CFAP100: variants seen among roughly 807,000 people sequenced by gnomAD.
CFAP100 encodes cilia- and flagella-associated protein 100.
A neutral mutation model predicts 81.5 loss-of-function variants in CFAP100; 70 were observed. That is an observed-to-expected ratio of 0.86 (90% CI 0.71 to 1.05). The LOEUF is 1.05. Among genes scored for constraint, CFAP100 ranks in the 50% least tolerant of loss-of-function variants. CFAP100 has a pLI of 0.00. For missense variants in CFAP100, 811 were observed against 776.5 expected, an observed-to-expected ratio of 1.04 and a Z score of -0.53; for synonymous variants, 341 against 314.8, an observed-to-expected ratio of 1.08 and a Z score of -0.88.
intron 4 of CFAP100, among the ~76,000 whole-genome samples, chr3:126,415,832 G>C (rs1428571527): frequency 6.6e-6 from 1 of 152,170 alleles, no homozygotes; most frequent in East Asian, 1.9e-4. Flanking sequence ...GGGCTGGCTC[G>C]AAGCCACCCC....
intron 8 of CFAP100, 133 bp from the exon 9 acceptor site, chr3:126,419,504 T>C: frequency 1.3e-6 from 1 of 793,210 alleles, no homozygotes; most frequent in East Asian, 2.5e-5. Flanking sequence ...GTGGCATTCC[T>C]GCACCTTTTC....
chr3:126,400,610 G>A (rs1280951170), intron 2 of CFAP100, among the ~76,000 whole-genome samples: 1 of 152,106 alleles, frequency 6.6e-6, no homozygotes, highest in Non-Finnish European at 1.5e-5. Context: ...AAAATAACCG[G>A]GCATGGTGGC....
chr3:126,407,243 A>G lies in CFAP100; in HGVS notation c.121A>G (p.Lys41Glu). 6.2e-7 allele frequency: 1 copy of G among 1,613,448 alleles called. No individual in the cohort carries two copies. Among genetic ancestry groups the G allele is most frequent in the Non-Finnish European group, 8.5e-7 (1 of 1,179,528 alleles). The part of the protein sequence containing the change: ...TEENPKKQAR[K>E]NEEHGPDPSA... ...AGAGAACCCAAAGAAACAGGCAAGA[A>G]AAAACGAAGGTAACCTTCAAGCTGG... Residue 41 changes from lysine to glutamate, a missense_variant, in exon 3 of 17, where the codon AAA (lysine) becomes GAA (glutamate). Physicochemically the swap from Lys to Glu is moderately conservative, Grantham distance 56 (BLOSUM62 1). Coordinates refer to ENST00000352312, the MANE Select transcript of CFAP100 (RefSeq NM_182628.3).
intron 11 of CFAP100, among the ~76,000 whole-genome samples, chr3:126,421,921 A>C (rs73859268): frequency 6.6e-6 from 1 of 152,148 alleles, no homozygotes; most frequent in South Asian, 2.1e-4. Context: ...CAGAGGTTCT[A>C]ATGTATGCAG....
rs761438533 is a variant in CFAP100 at position 126,416,447 on chromosome 3, C to A, written c.357C>A (p.Ala119=). The change falls in exon 5 of 17, where the codon GCC becomes GCA. Residue 119 remains alanine (A), a synonymous_variant. Transcript: ENST00000352312. ...EDKQEDLEAR[A]EAEHQRAFRD... ...AGCAGGAGGACCTGGAGGCGCGCGCCGAGGCCGAGCATCAGCGCGCCTTCC... is the reference window on the plus strand; with the variant it reads ...AGCAGGAGGACCTGGAGGCGCGCGCAGAGGCCGAGCATCAGCGCGCCTTCC... 8 of 1,610,176 alleles carry A rather than the reference C, an allele frequency of 5.0e-6. No individual in the cohort carries two copies. Among genetic ancestry groups the A allele is most frequent in the Non-Finnish European group, 8.5e-7 (1 of 1,178,744 alleles).
At chr3:126,398,084 C>A (rs1012907538) in intron 2 of CFAP100, among the ~76,000 whole-genome samples, 1 of 152,182 alleles carries the variant, frequency 6.6e-6, no homozygotes, top group Non-Finnish European at 1.5e-5. Context: ...AAGAGGGAGA[C>A]TGCTCAGTGT....
At chr3:126,417,572 C>T (rs1445573820) in intron 5 of CFAP100, among the ~76,000 whole-genome samples, 1 of 152,122 alleles carries the variant, frequency 6.6e-6, no homozygotes, top group African/African-American at 2.4e-5. Flanking sequence ...GACAGCATGG[C>T]CTGTTCTTTT....
intron 15 of CFAP100, 140 bp downstream of exon 15, chr3:126,434,521 C>A: frequency 1.2e-6 from 1 of 810,190 alleles, no homozygotes. Context: ...AAGCCCATGT[C>A]TTGGGGGGAT....
At chr3:126,408,073 T>C (rs1409860108) in intron 3 of CFAP100, among the ~76,000 whole-genome samples, 3 of 152,204 alleles carry the variant, frequency 2.0e-5, no homozygotes, top group African/African-American at 7.2e-5. Context: ...TATGAAATTA[T>C]AAAATGAAAA....
rs371120376 is a variant in CFAP100 at position 126,418,734 on chromosome 3, G to A, written c.610G>A (p.Val204Ile). 30 of 1,597,638 alleles carry A rather than the reference G, an allele frequency of 1.9e-5. No individual in the cohort carries two copies. The highest frequency in any genetic ancestry group is 9.1e-5 in the South Asian group (8 of 88,208). The part of the protein sequence containing the change: ...EKDAALFDEF[V>I]RENDCSSVQA... ...GGACGCCGCCTTGTTCGACGAGTTC[G>A]TCAGGGAGAATGACTGCAGCTCCGT... Residue 204 changes from valine (V) to isoleucine (I), a missense_variant, in exon 7 of 17, where the codon GTC becomes ATC. Val to Ile is a conservative substitution (Grantham distance 29). Coordinates refer to ENST00000352312, the MANE Select transcript of CFAP100 (RefSeq NM_182628.3).
intron 3 of CFAP100, among the ~76,000 whole-genome samples, chr3:126,409,698 A>G (rs1047160099): frequency 1.3e-5 from 2 of 152,150 alleles, no homozygotes; most frequent in African/African-American, 4.8e-5. Context: ...TTGCCTTTTC[A>G]TATAGTTCTG....
At chr3:126,407,404 G>C (rs2083082611) in intron 3 of CFAP100, 152 bp downstream of exon 3, 4 of 552,008 alleles carry the variant, frequency 7.2e-6, no homozygotes, top group Non-Finnish European at 1.3e-5. Context: ...TGAAATAACA[G>C]GCATGTAAAC....
At chr3:126,418,995 G>GGGTGGT (rs2083286632) in intron 7 of CFAP100, 81 bp from the exon 8 acceptor site, 1 of 1,003,096 alleles carries the variant, frequency 1.0e-6, no homozygotes, top group South Asian at 1.6e-5. Context: ...TGGGGCCTGT[G>GGGTGGT]GGTGGTGTGC....
intron 3 of CFAP100, among the ~76,000 whole-genome samples, chr3:126,409,658 C>A (rs192969153): frequency 6.6e-6 from 1 of 152,296 alleles, no homozygotes; most frequent in East Asian, 1.9e-4. Context: ...ATGTTAGTAT[C>A]TCATATTTCC....
At chr3:126,425,192 T>C (rs1576643186) in intron 13 of CFAP100, among the ~76,000 whole-genome samples, 1 of 152,320 alleles carries the variant, frequency 6.6e-6, no homozygotes, top group East Asian at 1.9e-4. Flanking sequence ...GTAAACCTCA[T>C]AGCAGAATGC....
rs751435523 is a variant in CFAP100, at chr3:126,419,681, A to G, written c.776A>G (p.Tyr259Cys). 9 of 1,613,934 alleles carry G rather than the reference A, an allele frequency of 5.6e-6. No individual in the cohort carries two copies. The Admixed American group carries it at 6.7e-5, about 12-fold the overall frequency. ...FEDTLKHYKV[Y>C]KDFLYKLSPK... ...GACACTCTGAAGCATTACAAGGTCT[A>G]TAAGGATTTCCTATACAAGCTGTCG... Residue 259 changes from tyrosine to cysteine, a missense_variant, in exon 9 of 17, where the codon TAT (tyrosine) becomes TGT (cysteine). Tyr to Cys is a radical substitution (Grantham distance 194). Transcript: ENST00000352312.
intron 2 of CFAP100, among the ~76,000 whole-genome samples, chr3:126,396,943 T>G (rs535805074): frequency 6.6e-6 from 1 of 152,298 alleles, no homozygotes; most frequent in South Asian, 2.1e-4. Context: ...AGCCCCTCAT[T>G]GTGAAAAGCC....
intron 11 of CFAP100, 84 bp downstream of exon 11, chr3:126,420,313 T>G: frequency 1.3e-6 from 2 of 1,543,672 alleles, no homozygotes; most frequent in Non-Finnish European, 1.7e-6. Context: ...CAGGTCTGAG[T>G]GCCACAGAAA....
At chr3:126,406,940 C>T (rs1342447567) in intron 2 of CFAP100, among the ~76,000 whole-genome samples, 16 of 152,346 alleles carry the variant, frequency 1.1e-4, no homozygotes, top group South Asian at 2.1e-4. Context: ...ACAAAACATC[C>T]GTGCACCAGG....
Sources: gnomAD v4.1 joint callset for allele counts (sites outside exome capture counted in the v4.1 genomes callset) on GRCh38, gnomAD v4.1.1 for gene constraint, MANE v1.5 for transcripts, NCBI Gene and HGNC (gene_info 2026-07-23, HGNC 2026-07-21) for gene names.